CFAP36: variants seen among roughly 807,000 people sequenced by gnomAD.
CFAP36 encodes the protein cilia- and flagella-associated protein 36.
CFAP36 carries 37 observed loss-of-function variants against 50.5 expected under a neutral mutation model. The observed-to-expected ratio is 0.73, with a 90% CI of 0.56 to 0.96. The LOEUF (loss-of-function observed/expected upper bound fraction) is 0.96, where lower values mean the gene tolerates loss of function less well. Among genes scored for constraint, CFAP36 ranks in the 50% least tolerant of loss-of-function variants. The pLI, the probability that CFAP36 is intolerant of heterozygous loss-of-function variation, is 0.00. For synonymous variants in CFAP36, 138 were observed against 128.2 expected, an observed-to-expected ratio of 1.08 and a Z score of -0.52; for missense variants, 407 against 396.2, an observed-to-expected ratio of 1.03 and a Z score of -0.23.
chr2:55,538,741 C>A, intron 7 of CFAP36: 3 of 1,452,676 alleles, frequency 2.1e-6, no homozygotes, highest in Non-Finnish European at 2.8e-6. Flanking sequence ...CTGTACCCAT[C>A]CCTTCTTTTT....
intron 3 of CFAP36, among the ~76,000 whole-genome samples, chr2:55,528,083 C>T (rs559676121): frequency 6.6e-6 from 1 of 151,698 alleles, no homozygotes; most frequent in East Asian, 2.0e-4. Flanking sequence ...AAACTGCTGA[C>T]CTCAGGTAAT....
intron 7 of CFAP36, chr2:55,539,536 T>A (rs932575072): frequency 6.6e-6 from 1 of 152,266 alleles, no homozygotes; most frequent in Non-Finnish European, 1.5e-5. Context: ...AAGAAAATCT[T>A]GGTTGCTTCC....
At chr2:55,521,669 G>A (rs1301668848) in intron 1 of CFAP36, among the ~76,000 whole-genome samples, 2 of 147,030 alleles carry the variant, frequency 1.4e-5, no homozygotes, top group African/African-American at 2.5e-5. Flanking sequence ...TCACTCTGCC[G>A]CCCAGGCTGG....
chr2:55,544,220 AACTT>A lies in CFAP36; in HGVS notation c.780_783del (p.Leu261GlnfsTer22). 6.2e-7 allele frequency: 1 copy of A among 1,612,460 alleles called. No individual in the cohort carries two copies. Among genetic ancestry groups the A allele is most frequent in the East Asian group, 2.2e-5 (1 of 44,858 alleles). On this transcript the variant is annotated frameshift_variant and splice_region_variant, in exon 9 of 10. Transcript: ENST00000349456. LOFTEE classifies it high-confidence loss of function. Reference sequence around the variant, plus strand: ...TAGCTCCTTTTCTTACTTGACCCAGAACTTATCAGTACTTGGAACAGAAGAACTT... The same window carrying A: ...TAGCTCCTTTTCTTACTTGACCCAGAATCAGTACTTGGAACAGAAGAACTT...
chr2:55,543,839 C>T, intron 7 of CFAP36, 99 bp from the exon 8 acceptor site: 3 of 1,171,164 alleles, frequency 2.6e-6, no homozygotes, highest in Non-Finnish European at 1.2e-6. Flanking sequence ...TGAGGAAAAA[C>T]AAGTATTATT....
At chr2:55,537,302 C>G (rs577592101) in intron 6 of CFAP36, among the ~76,000 whole-genome samples, 181 bp from the exon 7 acceptor site, 1 of 151,772 alleles carries the variant, frequency 6.6e-6, no homozygotes, top group Admixed American at 6.6e-5. Flanking sequence ...ATCCAGGAGC[C>G]GGAGGTTGCA....
chr2:55,529,990 C>A (rs889654413), intron 4 of CFAP36, among the ~76,000 whole-genome samples: 3 of 152,098 alleles, frequency 2.0e-5, no homozygotes, highest in Admixed American at 1.3e-4. Context: ...TGGCTGCCTC[C>A]CAGTTTCTGA....
chr2:55,533,946 G>T lies in CFAP36; in HGVS notation c.471G>T (p.Leu157=). 1 of 1,605,846 alleles carries T rather than the reference G, an allele frequency of 6.2e-7. No homozygotes were observed. Among genetic ancestry groups the T allele is most frequent in the East Asian group, 2.2e-5 (1 of 44,792 alleles). Residue 157 remains leucine, a synonymous_variant, in exon 5 of 10, where the codon CTG becomes CTT. Transcript: ENST00000349456. ...TTGAACACGAAGAGATGAAAATCCT[G>T]AGGGAAGTTCTTAGGTACCATTCTT... is the stretch of plus-strand genomic sequence containing the variant. ...SDLEHEEMKI[L]REVLRKSKEE...
At chr2:55,538,994 G>A in intron 7 of CFAP36, 5 of 1,278,484 alleles carry the variant, frequency 3.9e-6, no homozygotes, top group Non-Finnish European at 5.1e-6. Flanking sequence ...CAGTAAAATT[G>A]AGCAGAAGGT....
At chr2:55,532,846 G>A (rs1345930692) in intron 4 of CFAP36, among the ~76,000 whole-genome samples, 1 of 152,266 alleles carries the variant, frequency 6.6e-6, no homozygotes, top group African/African-American at 2.4e-5. Context: ...AATTACAGAT[G>A]CAAACAGAAC....
intron 4 of CFAP36, 104 bp from the exon 5 acceptor site, chr2:55,533,769 G>A: frequency 2.0e-6 from 1 of 504,788 alleles, no homozygotes; most frequent in South Asian, 4.4e-5. Context: ...GGATGTTACA[G>A]TGATAGATCT....
chr2:55,528,777 T>C, intron 3 of CFAP36, 101 bp from the exon 4 acceptor site: 1 of 652,816 alleles, frequency 1.5e-6, no homozygotes, highest in Non-Finnish European at 2.7e-6. Context: ...CAATGTAGCA[T>C]TCTTGAATTA....
In CFAP36 at chr2:55,536,334, C is replaced by T. The variant is rs530851367; in HGVS notation, c.537+571C>T. Reference sequence around the variant, plus strand: ...TTTTAGTAGAGACGGGGTTTCACCACGTTGATCAGGCTGGTCTTAAACTCC... The same window carrying T: ...TTTTAGTAGAGACGGGGTTTCACCATGTTGATCAGGCTGGTCTTAAACTCC... On this transcript the variant is annotated intron_variant, in intron 6 of 9. Coordinates refer to ENST00000349456, the MANE Select transcript of CFAP36 (RefSeq NM_080667.7). Among the ~76,000 whole-genome samples the T allele has an allele frequency of 1.2e-3, 175 of 151,886 alleles. 2 individuals are homozygous for T. In the Middle Eastern group the frequency reaches 0.024, roughly 21 times the overall value.
At chr2:55,529,282 C>T (rs866615869) in intron 4 of CFAP36, among the ~76,000 whole-genome samples, 37 of 151,926 alleles carry the variant, frequency 2.4e-4, no homozygotes, top group African/African-American at 4.8e-4. Flanking sequence ...ATTAGCTGGG[C>T]GTGGTGGCGG....
intron 4 of CFAP36, among the ~76,000 whole-genome samples, chr2:55,532,320 T>G (rs1265515307): frequency 6.6e-6 from 1 of 152,224 alleles, no homozygotes; most frequent in Non-Finnish European, 1.5e-5. Context: ...TGAAAATAGT[T>G]CTTAATGATG....
chr2:55,535,658 T>C, intron 5 of CFAP36, 54 bp from the exon 6 acceptor site: 1 of 1,333,266 alleles, frequency 7.5e-7, no homozygotes, highest in Non-Finnish European at 1.0e-6. Flanking sequence ...TGAATATTTG[T>C]TCTTTGACCA....
chr2:55,526,630 AG>A (rs1383046806), intron 3 of CFAP36, among the ~76,000 whole-genome samples: 1 of 152,058 alleles, frequency 6.6e-6, no homozygotes, highest in Non-Finnish European at 1.5e-5. Flanking sequence ...TTTTGTAGAG[AG>A]GGGGTCATGC....
At chr2:55,521,426 A>G (rs1224592570) in intron 1 of CFAP36, among the ~76,000 whole-genome samples, 1 of 152,056 alleles carries the variant, frequency 6.6e-6, no homozygotes, top group Non-Finnish European at 1.5e-5. Flanking sequence ...ATAATATGGA[A>G]CCTATTGTAA....
chr2:55,522,075 C>G lies in CFAP36; in HGVS notation c.116-27C>G, dbSNP rs763371091. 2.6e-6 allele frequency: 3 copies of G among 1,174,348 alleles called. No individual in the cohort carries two copies. In the South Asian group the frequency reaches 4.1e-5, roughly 16 times the overall value. 72.7% of individuals were successfully genotyped at this position (1,174,348 alleles called of 1,614,324 possible). On this transcript the variant is annotated intron_variant, in intron 1 of 9. Coordinates refer to ENST00000349456, the MANE Select transcript of CFAP36 (RefSeq NM_080667.7). The stretch of plus-strand genomic sequence containing the variant: ...TTAATAAAATGATTTGGTTTTTACA[C>G]TATGTAATATTTTCTTTTAAATTTA...
Sources: gnomAD v4.1 joint callset for allele counts (sites outside exome capture counted in the v4.1 genomes callset) on GRCh38, gnomAD v4.1.1 for gene constraint, MANE v1.5 for transcripts, NCBI Gene and HGNC (gene_info 2026-07-23, HGNC 2026-07-21) for gene names.